Variants in SEPTIN7 observed in about 807,000 individuals in gnomAD.
SEPTIN7 encodes septin 7.
In SEPTIN7, 10 loss-of-function variants were observed where a neutral mutation model predicts 63.3. The ratio of observed to expected loss-of-function variants is 0.16; its 90% CI spans 0.10 to 0.27. The LOEUF (loss-of-function observed/expected upper bound fraction) is 0.27. SEPTIN7 is among the 10% of genes least tolerant of loss of function. SEPTIN7 has a pLI of 1.00. For missense variants in SEPTIN7, 310 were observed against 521.0 expected (o/e 0.59, Z 3.94); for synonymous variants, 131 against 165.3 (o/e 0.79, Z 1.59).
At chr7:35,899,690 C>G (rs1788191007) in intron 12 of SEPTIN7, 2 of 152,472 alleles carry the variant, frequency 1.3e-5, no homozygotes, top group Non-Finnish European at 1.5e-5. Flanking sequence ...TGAGACCAGC[C>G]TGGGCAACAT....
intron 10 of SEPTIN7, among the ~76,000 whole-genome samples, chr7:35,887,742 C>T (rs1482276951): frequency 6.6e-6 from 1 of 152,162 alleles, no homozygotes. Context: ...TTGACCATGC[C>T]TGCAGGAAGA....
Position 35,906,426 on chromosome 7 carries a change from A to G in SEPTIN7, c.*2133A>G, listed in dbSNP as rs975922490. ...GTGGATGTCTGAGAAGATCATTCAC[A>G]ATACATGTAAAATTCAGGTAGGCCT... is the stretch of plus-strand genomic sequence containing the variant. On this transcript the variant is annotated 3_prime_UTR_variant, in exon 14 of 14. Coordinates refer to ENST00000350320, the MANE Select transcript of SEPTIN7 (RefSeq NM_001788.6). 5 of 152,230 alleles carry G rather than the reference A, an allele frequency of 3.3e-5. No individual in the cohort carries two copies. Among genetic ancestry groups the G allele is most frequent in the African/African-American group, 1.2e-4 (5 of 41,464 alleles). 9.4% of individuals were successfully genotyped at this position (152,230 alleles called of 1,614,324 possible). A position where few individuals can be genotyped will look rare whatever the true frequency, so the allele number is the denominator to read the frequency against.
intron 3 of SEPTIN7, among the ~76,000 whole-genome samples, chr7:35,840,005 T>C (rs1784327977): frequency 6.6e-6 from 1 of 152,232 alleles, no homozygotes; most frequent in Non-Finnish European, 1.5e-5. Context: ...TATTTGTTAA[T>C]AATTCCTGAA....
intron 4 of SEPTIN7, among the ~76,000 whole-genome samples, chr7:35,866,451 C>G (rs1785811557): frequency 6.6e-6 from 1 of 152,100 alleles, no homozygotes; most frequent in African/African-American, 2.4e-5. Flanking sequence ...ACATACAATC[C>G]TGAGTTTCAG....
intron 7 of SEPTIN7, 29 bp from the exon 8 acceptor site, chr7:35,882,455 T>C (rs1474293890): frequency 8.5e-6 from 12 of 1,419,276 alleles, no homozygotes; most frequent in Non-Finnish European, 1.1e-5. Context: ...TGTATGGTGC[T>C]CTTTTGCTGA....
chr7:35,819,187 T>A (rs1000637645), intron 1 of SEPTIN7, among the ~76,000 whole-genome samples: 1 of 152,118 alleles, frequency 6.6e-6, no homozygotes, highest in African/African-American at 2.4e-5. Context: ...CCAGTATCCC[T>A]TGTGATTTAG....
chr7:35,852,030 T>G (rs1478702545), intron 3 of SEPTIN7, among the ~76,000 whole-genome samples: 1 of 152,188 alleles, frequency 6.6e-6, no homozygotes, highest in Non-Finnish European at 1.5e-5. Context: ...TACTTCACCT[T>G]TGACCCTTAT....
intron 1 of SEPTIN7, among the ~76,000 whole-genome samples, chr7:35,805,867 G>C (rs1788301442): frequency 6.6e-6 from 1 of 152,166 alleles, no homozygotes; most frequent in African/African-American, 2.4e-5. Context: ...TAATTCTGTT[G>C]TTTTGTTTAA....
At chr7:35,813,892 A>G (rs1253966913) in intron 1 of SEPTIN7, among the ~76,000 whole-genome samples, 4 of 152,174 alleles carry the variant, frequency 2.6e-5, no homozygotes, top group African/African-American at 9.7e-5. Flanking sequence ...TATTGACATT[A>G]AGTTCATTAC....
intron 6 of SEPTIN7, among the ~76,000 whole-genome samples, chr7:35,877,002 T>C (rs1418767884): frequency 6.6e-6 from 1 of 151,850 alleles, no homozygotes; most frequent in Non-Finnish European, 1.5e-5. Context: ...GGGGGTGCAC[T>C]CTGTAGTCCT....
chr7:35,816,138 C>T (rs570497953), intron 1 of SEPTIN7, among the ~76,000 whole-genome samples: 37 of 152,178 alleles, frequency 2.4e-4, no homozygotes, highest in Admixed American at 3.9e-4. Flanking sequence ...TGTGGTTTTT[C>T]GTGTATTCAG....
At chr7:35,828,621 C>T (rs1783642608) in intron 1 of SEPTIN7, among the ~76,000 whole-genome samples, 1 of 152,214 alleles carries the variant, frequency 6.6e-6, no homozygotes, top group Non-Finnish European at 1.5e-5. Context: ...TTGTGATCCA[C>T]CCGCCTTGGT....
At chr7:35,887,315 C>T (rs546307826) in intron 10 of SEPTIN7, among the ~76,000 whole-genome samples, 1 of 152,290 alleles carries the variant, frequency 6.6e-6, no homozygotes, top group South Asian at 2.1e-4. Context: ...TTCCTACATA[C>T]CTAAAACACT....
At chr7:35,908,752 G>A (rs1331451987), downstream of SEPTIN7, among the ~76,000 whole-genome samples, 3 of 152,158 alleles carry the variant, frequency 2.0e-5, no homozygotes, top group African/African-American at 7.2e-5. Flanking sequence ...GTGTTGCAAG[G>A]GAGCAGCATT....
chr7:35,847,136 C>T (rs183440003), intron 3 of SEPTIN7: 10 of 175,434 alleles, frequency 5.7e-5, no homozygotes, highest in Admixed American at 2.8e-4. Flanking sequence ...TGGCCGTGTC[C>T]AGATTGGTGG....
At chr7:35,833,568 A>G (rs1229623563) in intron 3 of SEPTIN7, among the ~76,000 whole-genome samples, 1 of 152,022 alleles carries the variant, frequency 6.6e-6, no homozygotes, top group African/African-American at 2.4e-5. Flanking sequence ...GTTATCTTCA[A>G]TAACAGTCTT....
intron 3 of SEPTIN7, among the ~76,000 whole-genome samples, chr7:35,849,562 A>G (rs1784855857): frequency 6.6e-6 from 1 of 152,170 alleles, no homozygotes; most frequent in Non-Finnish European, 1.5e-5. Context: ...CCTGGTCTAG[A>G]TTGTTCTTCA....
chr7:35,862,366 CT>C (rs1367964106), intron 3 of SEPTIN7, among the ~76,000 whole-genome samples: 1 of 152,008 alleles, frequency 6.6e-6, no homozygotes, highest in African/African-American at 2.4e-5. Flanking sequence ...AATTAGCATA[CT>C]TTTGTTTTTA....
intron 1 of SEPTIN7, 186 bp from the exon 2 acceptor site, chr7:35,831,306 T>C (rs1383565803): frequency 5.6e-6 from 1 of 179,744 alleles, no homozygotes; most frequent in Non-Finnish European, 1.2e-5. Context: ...TACCTCTAAT[T>C]TGTTGAGTTA....
Sources: gnomAD v4.1 joint callset for allele counts (sites outside exome capture counted in the v4.1 genomes callset) on GRCh38, gnomAD v4.1.1 for gene constraint, MANE v1.5 for transcripts, NCBI Gene and HGNC (gene_info 2026-07-23, HGNC 2026-07-21) for gene names.